Variants in PIK3R6 observed in about 807,000 individuals in gnomAD.
The protein encoded by PIK3R6 is phosphoinositide-3-kinase regulatory subunit 6.
PIK3R6 carries 91 observed loss-of-function variants against 84.9 expected under a neutral mutation model. The ratio of observed to expected loss-of-function variants is 1.07; its 90% CI spans 0.90 to 1.28. The LOEUF (loss-of-function observed/expected upper bound fraction) is 1.28, where lower values mean the gene tolerates loss of function less well. Among genes scored for constraint, PIK3R6 ranks in the 50% most tolerant of loss-of-function variants. The pLI is 0.00. For synonymous variants in PIK3R6, 416 were observed against 411.4 expected, an observed-to-expected ratio of 1.01 and a Z score of -0.13; for missense variants, 996 against 985.1, an observed-to-expected ratio of 1.01 and a Z score of -0.15.
chr17:8,808,540 G>A (rs527284882), intron 18 of PIK3R6, among the ~76,000 whole-genome samples: 3 of 152,146 alleles, frequency 2.0e-5, no homozygotes, highest in Non-Finnish European at 4.4e-5. Context: ...AGACAATCTG[G>A]CTCTAGAGAG....
At chr17:8,861,125 C>T (rs536040662) in intron 1 of PIK3R6, among the ~76,000 whole-genome samples, 23 of 147,846 alleles carry the variant, frequency 1.6e-4, no homozygotes, top group African/African-American at 3.5e-4. Flanking sequence ...GAAGTTGCAG[C>T]GAGCCAAGAT....
chr17:8,867,202 C>G (rs1349575160), intron 1 of PIK3R6, among the ~76,000 whole-genome samples: 1 of 152,230 alleles, frequency 6.6e-6, no homozygotes, highest in Non-Finnish European at 1.5e-5. Context: ...TGGGTGTACT[C>G]TGCAGCACCG....
chr17:8,814,094 C>T (rs1244296905), intron 18 of PIK3R6, among the ~76,000 whole-genome samples: 1 of 152,012 alleles, frequency 6.6e-6, no homozygotes, highest in African/African-American at 2.4e-5. Flanking sequence ...AGCAAAGAGA[C>T]TTGCAGATAC....
chr17:8,828,541 C>A, intron 11 of PIK3R6, 26 bp downstream of exon 11: 1 of 1,606,246 alleles, frequency 6.2e-7, no homozygotes, highest in Non-Finnish European at 8.5e-7. Context: ...CAGCGCCCAC[C>A]CCCAGCCCCC....
intron 1 of PIK3R6, among the ~76,000 whole-genome samples, chr17:8,859,867 A>G (rs555434926): frequency 3.2e-4 from 48 of 152,174 alleles, no homozygotes; most frequent in African/African-American, 1.0e-3. Context: ...AGCCTCCACA[A>G]TCACAGGAGC....
chr17:8,821,407 G>T (rs183064777), intron 17 of PIK3R6, among the ~76,000 whole-genome samples: 1 of 150,550 alleles, frequency 6.6e-6, no homozygotes, highest in Non-Finnish European at 1.5e-5. Context: ...AATCCGTATC[G>T]CCATCCTTTG....
intron 18 of PIK3R6, among the ~76,000 whole-genome samples, chr17:8,806,313 A>G (rs2087205615): frequency 6.6e-6 from 1 of 152,210 alleles, no homozygotes; most frequent in South Asian, 2.1e-4. Context: ...CTGACTCTCA[A>G]CTTGGTGTTC....
chr17:8,832,021 T>C (rs574045117), intron 9 of PIK3R6, among the ~76,000 whole-genome samples: 103 of 152,340 alleles, frequency 6.8e-4, no homozygotes, highest in African/African-American at 2.3e-3. Flanking sequence ...TGATACCAGA[T>C]ATAAACGATG....
At chr17:8,854,129 A>G (rs1025908666) in intron 1 of PIK3R6, among the ~76,000 whole-genome samples, 5 of 152,054 alleles carry the variant, frequency 3.3e-5, no homozygotes, top group Non-Finnish European at 7.4e-5. Flanking sequence ...AAAATGAATA[A>G]TGCCTGAGAA....
At position 8,803,287 on chromosome 17, in the gene PIK3R6, C is replaced by G; in HGVS notation, c.2251G>C (p.Gly751Arg). ...TCCCTGCAGGCTCACTGGACAATAC[C>G]AGAGAATGTGTTGATGGGCATCAGA... ...PLLMPINTFS[G>R]IVQ Residue 751 changes from glycine (G) to arginine (R), a missense_variant, in exon 20 of 20, where the codon GGT (glycine) becomes CGT (arginine). Gly to Arg is a moderately radical substitution (Grantham distance 125). Transcript: ENST00000619866. The surrounding 1 kb of genome is among the most constrained non-coding windows in gnomAD (Gnocchi z 5.0). The G allele has an allele frequency of 6.2e-7, 1 of 1,612,560 alleles. No homozygotes were observed. The highest frequency in any genetic ancestry group is 1.1e-5 in the South Asian group (1 of 91,008).
At chr17:8,832,425 C>T (rs2088275092) in intron 9 of PIK3R6, among the ~76,000 whole-genome samples, 1 of 140,618 alleles carries the variant, frequency 7.1e-6, no homozygotes. Context: ...CTCTGTCGCC[C>T]AGGCTGGAGT....
chr17:8,832,876 G>C lies in PIK3R6; in HGVS notation c.802+13C>G, dbSNP rs563213664. The C allele has an allele frequency of 1.9e-6, 3 of 1,612,310 alleles. No homozygotes were observed. In the East Asian group the frequency reaches 6.7e-5, roughly 36 times the overall value. On this transcript the variant is annotated intron_variant, in intron 9 of 19. Transcript: ENST00000619866. Reference sequence around the variant, plus strand: ...GGACTCTTGCCAAGGCCCCCCATCTGCCAGTCGCTTACCACCGCAGCGCCC... The same window carrying C: ...GGACTCTTGCCAAGGCCCCCCATCTCCCAGTCGCTTACCACCGCAGCGCCC...
chr17:8,828,641 C>A lies in PIK3R6; in HGVS notation c.1239G>T (p.Leu413=), dbSNP rs1330950152. ...DGEMLPGVSR[L]HTARVLVLGD... ...CGAGCACAAGTACCCGGGCTGTGTG[C>A]AGCCGGGACACGCCGGGCAGCATTT... Residue 413 remains leucine (L), a synonymous_variant, in exon 11 of 20, where the codon CTG becomes CTT. Transcript: ENST00000619866. The A allele has an allele frequency of 1.2e-6, 2 of 1,613,324 alleles. No individual in the cohort carries two copies. The highest frequency in any genetic ancestry group is 4.5e-5 in the East Asian group (2 of 44,866).
intron 8 of PIK3R6, among the ~76,000 whole-genome samples, chr17:8,834,780 G>A (rs369230247): frequency 3.5e-4 from 53 of 152,054 alleles, no homozygotes; most frequent in African/African-American, 1.1e-3. Flanking sequence ...TCCTGCTTTC[G>A]GGGCTGAGAC....
intron 18 of PIK3R6, among the ~76,000 whole-genome samples, chr17:8,806,543 T>A (rs1286201884): frequency 1.3e-5 from 2 of 152,164 alleles, no homozygotes; most frequent in Non-Finnish European, 2.9e-5. Flanking sequence ...CACAAGAGTC[T>A]TAGATTTTAG....
intron 1 of PIK3R6, among the ~76,000 whole-genome samples, chr17:8,859,488 G>T (rs1184618491): frequency 6.6e-6 from 1 of 152,216 alleles, no homozygotes; most frequent in Non-Finnish European, 1.5e-5. Context: ...GGCCAAGGGA[G>T]GCCCAGATGG....
intron 1 of PIK3R6, among the ~76,000 whole-genome samples, chr17:8,858,669 G>A (rs985553100): frequency 2.8e-4 from 42 of 152,094 alleles, no homozygotes; most frequent in African/African-American, 9.7e-4. Flanking sequence ...GCCATAAAAC[G>A]GTGGCGATGG....
Position 8,835,344 on chromosome 17 carries a change from C to T in PIK3R6, c.574G>A (p.Val192Met), listed in dbSNP as rs750290494. The part of the protein sequence containing the change: ...QQTPETCMRH[V>M]VSHALQAALG... ...GCCGCCTGCAGGGCGTGGGAGACCACGTGGCGCATGCAGGTCTCTGGTGTC... is the reference window on the plus strand; with the variant it reads ...GCCGCCTGCAGGGCGTGGGAGACCATGTGGCGCATGCAGGTCTCTGGTGTC... The change falls in exon 8 of 20, where the codon GTG (valine) becomes ATG (methionine). Residue 192 changes from valine to methionine, a missense_variant. Val to Met is a conservative substitution (Grantham distance 21). Coordinates refer to ENST00000619866, the MANE Select transcript of PIK3R6 (RefSeq NM_001010855.4). The T allele has an allele frequency of 1.8e-5, 29 of 1,610,516 alleles. No homozygotes were observed. Among genetic ancestry groups the T allele is most frequent in the Non-Finnish European group, 2.2e-5 (26 of 1,177,880 alleles).
intron 1 of PIK3R6, among the ~76,000 whole-genome samples, chr17:8,861,499 A>G (rs921784810): frequency 6.6e-6 from 1 of 152,204 alleles, no homozygotes; most frequent in Non-Finnish European, 1.5e-5. Flanking sequence ...AATGACTCCT[A>G]AATTTTAAAT....
Sources: gnomAD v4.1 joint callset for allele counts (sites outside exome capture counted in the v4.1 genomes callset) on GRCh38, gnomAD v4.1.1 for gene constraint, Gnocchi (gnomAD v3.1) non-coding constraint, MANE v1.5 for transcripts, NCBI Gene and HGNC (gene_info 2026-07-23, HGNC 2026-07-21) for gene names.